The following POMP variants were observed in gnomAD, a reference collection of about 807,000 sequenced individuals.
POMP encodes the protein 2510048O06Rik.
In POMP, 12 loss-of-function variants were observed where a neutral mutation model predicts 20.6. The observed-to-expected ratio is 0.58, with a 90% CI of 0.37 to 0.94. The LOEUF (loss-of-function observed/expected upper bound fraction) is 0.94, where lower values mean the gene tolerates loss of function less well. Among genes scored for constraint, POMP ranks in the 40% least tolerant of loss-of-function variants. The pLI is 0.01. For synonymous variants in POMP, 53 were observed against 55.0 expected (o/e 0.96, Z 0.16); for missense variants, 136 against 161.1 (o/e 0.84, Z 0.84).
chr13:28,678,044 A>G lies in POMP; in HGVS notation c.368A>G (p.Gln123Arg). The G allele has an allele frequency of 1.2e-6, 2 of 1,614,030 alleles. No individual in the cohort carries two copies. The highest frequency in any genetic ancestry group is 1.7e-5 in the Admixed American group (1 of 60,032). ...TTTTGTTTGCTTTCAGATCCATCAC[A>G]AAGCGAAGTCATGGGAGAGCCACAC... ...GFEDILNDPS[Q>R]SEVMGEPHLM... Residue 123 changes from glutamine (Q) to arginine (R), a missense_variant, in exon 6 of 6, where the codon CAA becomes CGA. Transcript: ENST00000380842.
rs1346754032 is a variant in POMP, at chr13:28,678,177, A to G, written c.*75A>G. On this transcript the variant is annotated 3_prime_UTR_variant, in exon 6 of 6. Coordinates refer to ENST00000380842, the MANE Select transcript of POMP (RefSeq NM_015932.6). ...TTTGTACTGTAATTTGATGTACACA[A>G]CATTAAAAGTACTGACACCTGAGAA... 5.0e-6 allele frequency: 7 copies of G among 1,397,778 alleles called. No homozygotes were observed. The highest frequency in any genetic ancestry group is 7.1e-6 in the Non-Finnish European group (7 of 984,432). The allele number at this position is 1,397,778 out of a possible 1,614,324, so 86.6% of individuals were successfully genotyped here.
In POMP at chr13:28,675,143, A is replaced by ACTTTTT. The variant is rs1555257279; in HGVS notation, c.358+2711_358+2712insCTTTTT. Among the ~76,000 whole-genome samples, 221 of 150,708 alleles carry ACTTTTT rather than the reference A, an allele frequency of 1.5e-3. 1 individual carries two copies. The highest frequency in any genetic ancestry group is 6.7e-3 in the South Asian group (32 of 4,796). On this transcript the variant is annotated intron_variant, in intron 5 of 5. Coordinates refer to ENST00000380842, the MANE Select transcript of POMP (RefSeq NM_015932.6). ...TAGGAAAAATCACCTGTTTAGGTAG[A>ACTTTTT]TTTTTTTTGTTTTGGAGACACGAGT...
intron 3 of POMP, among the ~76,000 whole-genome samples, chr13:28,667,894 A>T (rs1884476583): frequency 6.6e-6 from 1 of 152,200 alleles, no homozygotes; most frequent in African/African-American, 2.4e-5. Flanking sequence ...TACTTAGTGA[A>T]AGTATGATCC....
chr13:28,662,488 C>T lies in POMP; in HGVS notation c.82C>T (p.His28Tyr). The change falls in exon 2 of 6, where the codon CAT (histidine) becomes TAT (tyrosine). Residue 28 changes from histidine to tyrosine, a missense_variant. By Grantham distance (83) the His-to-Tyr change is moderately conservative. Transcript: ENST00000380842. ...ELSASGPFESHDLLRKGFSCV... is the reference protein window; with the variant it reads ...ELSASGPFESYDLLRKGFSCV... ...TTCAGCAAGTGGACCTTTTGAAAGTCATGATCTTCTTCGGAAAGGGTATAT... is the reference window on the plus strand; with the variant it reads ...TTCAGCAAGTGGACCTTTTGAAAGTTATGATCTTCTTCGGAAAGGGTATAT... The T allele has an allele frequency of 1.9e-6, 3 of 1,612,500 alleles. No individual in the cohort carries two copies. Among genetic ancestry groups the T allele is most frequent in the Non-Finnish European group, 1.7e-6 (2 of 1,178,556 alleles).
chr13:28,660,707 C>A (rs1053224367), intron 1 of POMP, among the ~76,000 whole-genome samples: 4 of 152,258 alleles, frequency 2.6e-5, no homozygotes, highest in African/African-American at 4.8e-5. Flanking sequence ...AGATTCTTTT[C>A]CTCGTCCACC....
At chr13:28,672,482 A>C (rs1486135319) in intron 5 of POMP, 50 bp downstream of exon 5, 50 of 1,378,878 alleles carry the variant, frequency 3.6e-5, no homozygotes, top group Non-Finnish European at 5.1e-5. Flanking sequence ...TTTAAAAGGC[A>C]AACAGCTGCA....
At chr13:28,660,243 T>C (rs751599117) in intron 1 of POMP, among the ~76,000 whole-genome samples, 3 of 152,226 alleles carry the variant, frequency 2.0e-5, no homozygotes, top group Non-Finnish European at 4.4e-5. Context: ...CCCCAACTTC[T>C]GGTGGTTCAA....
In POMP at chr13:28,668,673, A is replaced by G. The variant is rs7995724; in HGVS notation, c.264+99A>G. The G allele has an allele frequency of 9.7e-3, 8,933 of 921,322 alleles. 472 individuals carry two copies. In the African/African-American group the frequency reaches 0.12, roughly 13 times the overall value. 57.1% of individuals were successfully genotyped at this position (921,322 alleles called of 1,614,324 possible). ...TTATACCTTATCTACCTTACAACCT[A>G]TTCTACTTCCCTCCCCCTTTTTAGG... On this transcript the variant is annotated intron_variant, in intron 4 of 5. Coordinates refer to ENST00000380842, the MANE Select transcript of POMP (RefSeq NM_015932.6).
intron 4 of POMP, among the ~76,000 whole-genome samples, chr13:28,672,062 A>G (rs1045579965): frequency 3.3e-5 from 5 of 152,198 alleles, no homozygotes; most frequent in Admixed American, 1.3e-4. Flanking sequence ...ATTTCATTAC[A>G]TGGTATATGC....
chr13:28,664,517 G>C lies in POMP; in HGVS notation c.110G>C (p.Cys37Ser). The change falls in exon 3 of 6, where the codon TGT becomes TCT. Residue 37 changes from cysteine (C) to serine (S), a missense_variant. Physicochemically the swap from Cys to Ser is moderately radical, Grantham distance 112. Coordinates refer to ENST00000380842, the MANE Select transcript of POMP (RefSeq NM_015932.6). ...TTTTAATGTCCTTTCAGTTTTTCTT[G>C]TGTGAAAAATGAACTTTTGCCTAGT... ...SHDLLRKGFS[C>S]VKNELLPSHP... 6.4e-7 allele frequency: 1 copy of C among 1,571,240 alleles called. No homozygotes were observed. The highest frequency in any genetic ancestry group is 8.7e-7 in the Non-Finnish European group (1 of 1,144,906).
At chr13:28,669,263 T>C (rs1291891689) in intron 4 of POMP, among the ~76,000 whole-genome samples, 3 of 152,196 alleles carry the variant, frequency 2.0e-5, no homozygotes, top group African/African-American at 7.2e-5. Context: ...ATGACACCAA[T>C]GAAACTGCTC....
rs188144027 is a variant in POMP at position 28,670,524 on chromosome 13, G to T, written c.265-1815G>T. Among the ~76,000 whole-genome samples the T allele has an allele frequency of 2.2e-4, 34 of 152,232 alleles. No individual in the cohort carries two copies. In the East Asian group the frequency reaches 5.8e-3, roughly 26 times the overall value. The stretch of plus-strand genomic sequence containing the variant: ...ATCAGAATAATCTTTGTAAAACACA[G>T]ATTTGATTATGTCATTCCCCTCACT... On this transcript the variant is annotated intron_variant, in intron 4 of 5. Coordinates refer to ENST00000380842, the MANE Select transcript of POMP (RefSeq NM_015932.6).
intron 4 of POMP, among the ~76,000 whole-genome samples, chr13:28,671,820 T>TTTGACTAA (rs1378835774): frequency 1.3e-5 from 2 of 152,200 alleles, no homozygotes; most frequent in African/African-American, 4.8e-5. Flanking sequence ...AAAATACTAC[T>TTTGACTAA]ATCATTTAGT....
At chr13:28,666,769 G>A (rs895796609) in intron 3 of POMP, among the ~76,000 whole-genome samples, 1 of 152,202 alleles carries the variant, frequency 6.6e-6, no homozygotes, top group Non-Finnish European at 1.5e-5. Flanking sequence ...AGCTTCAGTG[G>A]TGATAGTGAT....
At chr13:28,660,398 G>A (rs1884312092) in intron 1 of POMP, among the ~76,000 whole-genome samples, 1 of 152,174 alleles carries the variant, frequency 6.6e-6, no homozygotes, top group Non-Finnish European at 1.5e-5. Context: ...TAATAAAGTA[G>A]GCTTTGTATT....
At position 28,672,396 on chromosome 13, in the gene POMP, AATG is replaced by A. The variant is rs1884564660; in HGVS notation, c.327_329del (p.Asp109del). 1 of 1,608,860 alleles carries A rather than the reference AATG, an allele frequency of 6.2e-7. No individual in the cohort carries two copies. The highest frequency in any genetic ancestry group is 1.3e-5 in the African/African-American group (1 of 74,774). On this transcript the variant is annotated inframe_deletion, in exon 5 of 6. Coordinates refer to ENST00000380842, the MANE Select transcript of POMP (RefSeq NM_015932.6). Reference sequence around the variant, plus strand: ...TCTTTCACTGGATGTTTTGAGGGGTAATGATGAGACTATTGGATTTGAGGATAT... The same window carrying A: ...TCTTTCACTGGATGTTTTGAGGGGTAATGAGACTATTGGATTTGAGGATAT...
chr13:28,669,049 T>TA lies in POMP; in HGVS notation c.264+477dup, dbSNP rs557124920. Among the ~76,000 whole-genome samples the TA allele has an allele frequency of 1.6e-3, 245 of 152,298 alleles. 3 individuals carry two copies. The highest frequency in any genetic ancestry group is 5.8e-3 in the African/African-American group (239 of 41,556). On this transcript the variant is annotated intron_variant, in intron 4 of 5. Coordinates refer to ENST00000380842, the MANE Select transcript of POMP (RefSeq NM_015932.6). ...TGATGCCTTCTCAAGCTGATATCTT[T>TA]AACCCCTCTCTGCTTGCTCTGTCTC... is the stretch of plus-strand genomic sequence containing the variant.
At chr13:28,667,461 C>G (rs1884469045) in intron 3 of POMP, among the ~76,000 whole-genome samples, 1 of 152,160 alleles carries the variant, frequency 6.6e-6, no homozygotes, top group Non-Finnish European at 1.5e-5. Context: ...CTTAGAACTT[C>G]AGATCATATA....
Position 28,668,591 on chromosome 13 carries a change from C to G in POMP, c.264+17C>G, listed in dbSNP as rs767413246. The G allele has an allele frequency of 6.5e-7, 1 of 1,531,872 alleles. No homozygotes were observed. Among genetic ancestry groups the G allele is most frequent in the Admixed American group, 1.7e-5 (1 of 59,884 alleles). The allele number at this position is 1,531,872 out of a possible 1,614,324, so 94.9% of individuals were successfully genotyped here. ...GTGCAGCAGGTGAGTTGATGGATCT[C>G]TGTTGCATATGTGTCGATATCATTC... On this transcript the variant is annotated intron_variant, in intron 4 of 5. Coordinates refer to ENST00000380842, the MANE Select transcript of POMP (RefSeq NM_015932.6).
Sources: gnomAD v4.1 joint callset for allele counts (sites outside exome capture counted in the v4.1 genomes callset) on GRCh38, gnomAD v4.1.1 for gene constraint, MANE v1.5 for transcripts, NCBI Gene and HGNC (gene_info 2026-07-23, HGNC 2026-07-21) for gene names.